C10orf105: variants seen among roughly 807,000 people sequenced by gnomAD.
The protein encoded by C10orf105 is uncharacterized protein C10orf105.
C10orf105 carries 2 observed loss-of-function variants against 0.6 expected under a neutral mutation model. That is an observed-to-expected ratio of 3.18 (90% confidence interval 1.30 to 10.01). C10orf105 has a LOEUF of 10.01. Ranked by LOEUF, C10orf105 falls within the 30% of genes most tolerant of loss-of-function variation. The pLI is 0.04. For synonymous variants in C10orf105, 95 were observed against 82.4 expected (o/e 1.15, Z -0.83); for missense variants, 209 against 191.4 (o/e 1.09, Z -0.54).
At chr10:71,726,684 G>A (rs752959869) in intron 1 of C10orf105, among the ~76,000 whole-genome samples, 2 of 152,226 alleles carry the variant, frequency 1.3e-5, no homozygotes, top group Non-Finnish European at 2.9e-5. Flanking sequence ...AATCTTATTC[G>A]TGGGCTGGTC....
At chr10:71,720,281 A>G (rs889027204), upstream of C10orf105, among the ~76,000 whole-genome samples, 4 of 152,092 alleles carry the variant, frequency 2.6e-5, no homozygotes, top group South Asian at 6.2e-4. Context: ...GTGTCTGGCT[A>G]CAGAAGCGAG....
chr10:71,721,829 G>T (rs1049215696), upstream of C10orf105, among the ~76,000 whole-genome samples: 5 of 152,204 alleles, frequency 3.3e-5, no homozygotes, highest in African/African-American at 1.2e-4. Context: ...ACAGCCCTCT[G>T]CTGTCCCTGC....
At chr10:71,729,916 C>G (rs1397261322) in intron 1 of C10orf105, among the ~76,000 whole-genome samples, 2 of 151,866 alleles carry the variant, frequency 1.3e-5, no homozygotes, top group Non-Finnish European at 2.9e-5. Context: ...TTCACTGCAA[C>G]CTCTGCCTCC....
In C10orf105 at chr10:71,732,196, G is replaced by A. The variant is rs111033468; in HGVS notation, c.-6+5532C>T. ...CATCACTCTGCTCAACGAGCTGGAC[G>A]AGGCCGTGCAGTTCTCCAATGCCTC... is the stretch of plus-strand genomic sequence containing the variant. On this transcript the variant is annotated intron_variant, in intron 1 of 1. Transcript: ENST00000398786. 2.5e-6 allele frequency: 4 copies of A among 1,613,886 alleles called. No homozygotes were observed. Among genetic ancestry groups the A allele is most frequent in the African/African-American group, 2.7e-5 (2 of 75,056 alleles).
At chr10:71,737,062 G>A (rs1310069916) in intron 1 of C10orf105, among the ~76,000 whole-genome samples, 2 of 152,152 alleles carry the variant, frequency 1.3e-5, no homozygotes, top group Admixed American at 6.5e-5. Flanking sequence ...GAGGGGGTTT[G>A]GGAGGGATCC....
chr10:71,731,148 G>A (rs1316024849), intron 1 of C10orf105, among the ~76,000 whole-genome samples: 1 of 152,200 alleles, frequency 6.6e-6, no homozygotes, highest in Non-Finnish European at 1.5e-5. Flanking sequence ...AAATGAAGGG[G>A]AAGCATGCCG....
At chr10:71,724,458 G>T (rs1445476793), upstream of C10orf105, among the ~76,000 whole-genome samples, 4 of 152,164 alleles carry the variant, frequency 2.6e-5, no homozygotes, top group Non-Finnish European at 5.9e-5. Flanking sequence ...GACTACAGGC[G>T]CATGCCTGTA....
chr10:71,714,521 G>A lies in C10orf105; in HGVS notation c.*1415C>T, dbSNP rs1469499323. 2 of 152,262 alleles carry A rather than the reference G, an allele frequency of 1.3e-5. No individual in the cohort carries two copies. Among genetic ancestry groups the A allele is most frequent in the South Asian group, 2.1e-4 (1 of 4,836 alleles). 9.4% of individuals were successfully genotyped at this position (152,262 alleles called of 1,614,324 possible). A position where few individuals can be genotyped will look rare whatever the true frequency, so the allele number is the denominator to read the frequency against. ...AGACAGTAGGGGCGGCTCCAGGCAG[G>A]AGGGCTTCACAGAGTGGGTGTGTGT... On this transcript the variant is annotated 3_prime_UTR_variant, in exon 2 of 2. Coordinates refer to ENST00000441508, the MANE Select transcript of C10orf105 (RefSeq NM_001164375.3).
intron 1 of C10orf105, among the ~76,000 whole-genome samples, chr10:71,729,822 A>G (rs1839300874): frequency 6.6e-6 from 1 of 151,796 alleles, no homozygotes; most frequent in African/African-American, 2.4e-5. Flanking sequence ...TGGAGTGTGA[A>G]CTATTTTATT....
chr10:71,716,372 G>C (rs1204481593), intron 1 of C10orf105, 30 bp from the exon 2 acceptor site: 1 of 1,453,968 alleles, frequency 6.9e-7, no homozygotes, highest in Non-Finnish European at 9.1e-7. Flanking sequence ...GAAGCTCAAA[G>C]GCAGATCAGC....
intron 1 of C10orf105, chr10:71,725,596 G>A (rs1343424970): frequency 6.6e-7 from 1 of 1,504,532 alleles, no homozygotes; most frequent in Non-Finnish European, 9.0e-7. Context: ...AAGGCCATTA[G>A]TTGGCGCCTG....
intron 1 of C10orf105, among the ~76,000 whole-genome samples, chr10:71,728,741 G>A (rs991321081): frequency 6.6e-6 from 1 of 152,174 alleles, no homozygotes; most frequent in Non-Finnish European, 1.5e-5. Context: ...TGCCTCTCCT[G>A]TTCTGGGGCC....
chr10:71,722,111 G>C (rs569042615), upstream of C10orf105, among the ~76,000 whole-genome samples: 2 of 152,254 alleles, frequency 1.3e-5, no homozygotes, highest in East Asian at 3.9e-4. Context: ...CCTACATTAG[G>C]GCTTCGGGTG....
intron 1 of C10orf105, chr10:71,730,685 G>A: frequency 6.4e-7 from 1 of 1,570,490 alleles, no homozygotes; most frequent in Non-Finnish European, 8.6e-7. Context: ...CTTCGAAACG[G>A]TCATCCCTGA....
At chr10:71,723,883 A>G (rs1445807233), upstream of C10orf105, among the ~76,000 whole-genome samples, 1 of 152,138 alleles carries the variant, frequency 6.6e-6, no homozygotes, top group Non-Finnish European at 1.5e-5. Flanking sequence ...TTAGAAAGAC[A>G]TACACGTCCC....
intron 1 of C10orf105, among the ~76,000 whole-genome samples, chr10:71,728,696 C>T (rs1318308508): frequency 6.6e-6 from 1 of 152,204 alleles, no homozygotes; most frequent in Non-Finnish European, 1.5e-5. Flanking sequence ...TGGCAAGTTC[C>T]TACCGGCCCC....
intron 1 of C10orf105, among the ~76,000 whole-genome samples, chr10:71,719,234 C>G (rs1342800194): frequency 2.0e-5 from 3 of 152,240 alleles, no homozygotes; most frequent in African/African-American, 7.2e-5. Context: ...CACCCGGCTA[C>G]TGACCAACCA....
intron 1 of C10orf105, among the ~76,000 whole-genome samples, chr10:71,732,985 A>T (rs913130086): frequency 6.6e-6 from 1 of 152,170 alleles, no homozygotes; most frequent in Non-Finnish European, 1.5e-5. Flanking sequence ...GTCAGATCCC[A>T]CAGGTTGAGG....
chr10:71,734,359 G>A (rs1472539990), intron 1 of C10orf105: 1 of 1,593,604 alleles, frequency 6.3e-7, no homozygotes, highest in Non-Finnish European at 8.6e-7. Flanking sequence ...GGACCAGGGT[G>A]AGAGTCCCTC....
Sources: gnomAD v4.1 joint callset for allele counts (sites outside exome capture counted in the v4.1 genomes callset) on GRCh38, gnomAD v4.1.1 for gene constraint, MANE v1.5 for transcripts, NCBI Gene and HGNC (gene_info 2026-07-23, HGNC 2026-07-21) for gene names.